Variants in USP40 observed in about 807,000 individuals in gnomAD.
USP40 encodes the protein ubiquitin carboxyl-terminal hydrolase 40.
USP40 carries 143 observed loss-of-function variants against 166.2 expected under a neutral mutation model. The observed-to-expected ratio is 0.86, with a 90% CI of 0.75 to 0.99. USP40 has a LOEUF of 0.99. Among genes scored for constraint, USP40 ranks in the 50% least tolerant of loss-of-function variants. The pLI is 0.00. For synonymous variants in USP40, 498 were observed against 524.0 expected (o/e 0.95, Z 0.68); for missense variants, 1,444 against 1,479.7 (o/e 0.98, Z 0.40).
At position 233,566,771 on chromosome 2, in the gene USP40, T is replaced by A. The variant is rs967482869; in HGVS notation, c.-107A>T. ...GCGCCGCCATGTTGGCGAGGGCGGG[T>A]CTCCAGAAAGTGATTTATGGATCGT... On this transcript the variant is annotated 5_prime_UTR_variant, in exon 1 of 32. Coordinates refer to ENST00000678225, the MANE Select transcript of USP40 (RefSeq NM_001365479.2). 1 of 985,738 alleles carries A rather than the reference T, an allele frequency of 1.0e-6. No homozygotes were observed. Among genetic ancestry groups the A allele is most frequent in the Admixed American group, 6.2e-5 (1 of 16,260 alleles). 61.1% of individuals were successfully genotyped at this position (985,738 alleles called of 1,614,324 possible).
chr2:233,564,718 A>ATG (rs2071978699), intron 2 of USP40, among the ~76,000 whole-genome samples: 1 of 152,200 alleles, frequency 6.6e-6, no homozygotes, highest in African/African-American at 2.4e-5. Context: ...ATATATATAT[A>ATG]AAATGTTACA....
At position 233,486,028 on chromosome 2, in the gene USP40, C is replaced by A. The variant is rs369243255; in HGVS notation, c.3198-51G>T. ...AGATCCAAACAAACAAACAAAACCA[C>A]GTGGTAACTTGAGGCATAATGGGCA... On this transcript the variant is annotated intron_variant, in intron 28 of 31. Coordinates refer to ENST00000678225, the MANE Select transcript of USP40 (RefSeq NM_001365479.2). The surrounding 1 kb of genome is among the most constrained non-coding windows in gnomAD (Gnocchi z 4.0). 1 of 1,520,322 alleles carries A rather than the reference C, an allele frequency of 6.6e-7. No homozygotes were observed. The highest frequency in any genetic ancestry group is 1.3e-5 in the South Asian group (1 of 79,204). The allele number at this position is 1,520,322 out of a possible 1,614,324, so 94.2% of individuals were successfully genotyped here.
intron 21 of USP40, among the ~76,000 whole-genome samples, chr2:233,502,041 T>C (rs989155968): frequency 6.6e-6 from 1 of 152,190 alleles, no homozygotes; most frequent in Admixed American, 6.5e-5. Context: ...ATGTTGGTGA[T>C]AGAGCAAGTA....
chr2:233,539,840 T>C (rs1019347258), intron 10 of USP40, among the ~76,000 whole-genome samples: 2 of 152,088 alleles, frequency 1.3e-5, no homozygotes, highest in South Asian at 2.1e-4. Flanking sequence ...ATCAATAGCA[T>C]TGCATCAAAT....
Position 233,565,576 on chromosome 2 carries a change from TA to T in USP40, c.-19-4del. On this transcript the variant is annotated splice_region_variant and splice_polypyrimidine_tract_variant and intron_variant, in intron 1 of 31. Coordinates refer to ENST00000678225, the MANE Select transcript of USP40 (RefSeq NM_001365479.2). Reference sequence around the variant, plus strand: ...ACATTGTGAAACTAAATACTACCCTTAAAAAAAGTGACATATAAATGCTTTT... The same window carrying T: ...ACATTGTGAAACTAAATACTACCCTTAAAAAAGTGACATATAAATGCTTTT... The T allele has an allele frequency of 2.0e-6, 3 of 1,527,476 alleles. No homozygotes were observed. Among genetic ancestry groups the T allele is most frequent in the South Asian group, 1.2e-5 (1 of 81,446 alleles). 94.6% of individuals were successfully genotyped at this position (1,527,476 alleles called of 1,614,324 possible).
chr2:233,510,807 A>G (rs980826702), intron 20 of USP40, among the ~76,000 whole-genome samples: 2 of 152,120 alleles, frequency 1.3e-5, no homozygotes, highest in Non-Finnish European at 2.9e-5. Context: ...GTTTTTTCTG[A>G]GTCACTTGGT....
intron 2 of USP40, among the ~76,000 whole-genome samples, chr2:233,563,265 T>C (rs2071825627): frequency 6.6e-6 from 1 of 152,136 alleles, no homozygotes; most frequent in Non-Finnish European, 1.5e-5. Flanking sequence ...TTGAAGGTAA[T>C]AACAGATGGC....
intron 21 of USP40, among the ~76,000 whole-genome samples, chr2:233,502,639 C>T (rs902204246): frequency 1.3e-5 from 2 of 152,130 alleles, no homozygotes; most frequent in African/African-American, 4.8e-5. Flanking sequence ...GAGACCAACA[C>T]ACAGCTATGC....
At chr2:233,528,877 T>C (rs1172668236) in intron 12 of USP40, among the ~76,000 whole-genome samples, 1 of 152,158 alleles carries the variant, frequency 6.6e-6, no homozygotes, top group African/African-American at 2.4e-5. Context: ...GAGTCAAAGG[T>C]GAGGCCCCAA....
chr2:233,531,855 T>C (rs546681094), intron 11 of USP40, among the ~76,000 whole-genome samples: 40 of 152,334 alleles, frequency 2.6e-4, no homozygotes, highest in Non-Finnish European at 5.1e-4. Flanking sequence ...CTTTGAGAAG[T>C]GATCGAAAAA....
chr2:233,516,108 T>C (rs903294121), intron 18 of USP40, among the ~76,000 whole-genome samples: 2 of 152,210 alleles, frequency 1.3e-5, no homozygotes, highest in Admixed American at 6.5e-5. Flanking sequence ...GCGAAAACCA[T>C]TCTTTGCCCA....
In USP40 at chr2:233,566,748, G is replaced by A. The variant is rs1203821958; in HGVS notation, c.-84C>T. On this transcript the variant is annotated 5_prime_UTR_variant, in exon 1 of 32. Transcript: ENST00000678225. Reference sequence around the variant, plus strand: ...GCGAACGAACCCGCCCCAACTGGGCGCCGCCATGTTGGCGAGGGCGGGTCT... The same window carrying A: ...GCGAACGAACCCGCCCCAACTGGGCACCGCCATGTTGGCGAGGGCGGGTCT... 2 of 985,816 alleles carry A rather than the reference G, an allele frequency of 2.0e-6. No homozygotes were observed. Among genetic ancestry groups the A allele is most frequent in the African/African-American group, 1.7e-5 (1 of 57,258 alleles). The allele number at this position is 985,816 out of a possible 1,614,324, so 61.1% of individuals were successfully genotyped here. A position where few individuals can be genotyped will look rare whatever the true frequency, so the allele number is the denominator to read the frequency against.
intron 19 of USP40, 172 bp from the exon 20 acceptor site, chr2:233,511,969 TTCCATAC>T: frequency 3.6e-6 from 2 of 553,908 alleles, no homozygotes; most frequent in Admixed American, 6.9e-5. Context: ...GATTTTCAAT[TTCCATAC>T]TCTTAAGATA....
intron 18 of USP40, among the ~76,000 whole-genome samples, chr2:233,518,048 G>C (rs2067364507): frequency 6.6e-6 from 1 of 151,422 alleles, no homozygotes; most frequent in Non-Finnish European, 1.5e-5. Context: ...AGGGGGATGA[G>C]GGATAAAAGA....
At chr2:233,517,367 T>G (rs1446293860) in intron 18 of USP40, among the ~76,000 whole-genome samples, 3 of 151,076 alleles carry the variant, frequency 2.0e-5, no homozygotes, top group Non-Finnish European at 4.4e-5. Context: ...AAAAGATACT[T>G]GCACATGCAT....
intron 30 of USP40, among the ~76,000 whole-genome samples, chr2:233,484,921 A>G (rs1194973798): frequency 6.6e-6 from 1 of 152,172 alleles, no homozygotes; most frequent in African/African-American, 2.4e-5. Flanking sequence ...TGTTAAACAG[A>G]AGGGGCGGTT....
At chr2:233,554,616 T>C in intron 5 of USP40, 90 bp from the exon 6 acceptor site, 2 of 1,048,458 alleles carry the variant, frequency 1.9e-6, no homozygotes, top group Non-Finnish European at 2.6e-6. Context: ...AATAATCAGA[T>C]ATATGTTTTC....
intron 6 of USP40, 94 bp downstream of exon 6, chr2:233,554,286 A>G (rs2070847826): frequency 7.8e-7 from 1 of 1,279,916 alleles, no homozygotes; most frequent in African/African-American, 1.5e-5. Flanking sequence ...TAGTGTCAAC[A>G]GCTTCAAGTA....
Position 233,556,993 on chromosome 2 carries a change from T to C in USP40, c.408A>G (p.Glu136=). ...NEEMRQHDVQ[E]LNRILFSALE... ...AAGCGCTGAAGAGGATTCGATTCAG[T>C]TCCTGCACATCATGTTGCCTCATTT... is the stretch of plus-strand genomic sequence containing the variant. Residue 136 remains glutamate, a synonymous_variant, in exon 5 of 32, where the codon GAA becomes GAG. Transcript: ENST00000678225. The C allele has an allele frequency of 6.2e-7, 1 of 1,613,272 alleles. No individual in the cohort carries two copies. The highest frequency in any genetic ancestry group is 8.5e-7 in the Non-Finnish European group (1 of 1,179,676).
Sources: allele counts gnomAD v4.1 joint callset (sites outside exome capture counted in the v4.1 genomes callset), GRCh38; gene constraint gnomAD v4.1.1; non-coding constraint Gnocchi (gnomAD v3.1); transcripts MANE v1.5; gene names NCBI Gene and HGNC (gene_info 2026-07-23, HGNC 2026-07-21).